The following PITPNC1 variants were observed in gnomAD, a reference collection of about 807,000 sequenced individuals.
The protein encoded by PITPNC1 is phosphatidylinositol transfer protein cytoplasmic 1.
A neutral mutation model predicts 44.7 loss-of-function variants in PITPNC1; 18 were observed. The ratio of observed to expected loss-of-function variants is 0.40; its 90% CI spans 0.28 to 0.60. The LOEUF (loss-of-function observed/expected upper bound fraction) is 0.60. Ranked by LOEUF, PITPNC1 falls within the 20% of genes least tolerant of loss-of-function variation. The probability of loss-of-function intolerance (pLI) is 0.39; values close to 1 mark genes in which losing one functional copy is unlikely to be tolerated. For missense variants in PITPNC1, 290 were observed against 418.4 expected (o/e 0.69, Z 2.68); for synonymous variants, 141 against 149.6 (o/e 0.94, Z 0.42).
At chr17:67,554,424 A>AT (rs1267619379) in intron 4 of PITPNC1, among the ~76,000 whole-genome samples, 1 of 151,766 alleles carries the variant, frequency 6.6e-6, no homozygotes, top group East Asian at 1.9e-4. Flanking sequence ...CGCCCGGCTA[A>AT]TTTTTTTATT....
chr17:67,590,206 G>A (rs1256280312), intron 5 of PITPNC1, among the ~76,000 whole-genome samples: 2 of 152,154 alleles, frequency 1.3e-5, no homozygotes, highest in Non-Finnish European at 2.9e-5. Flanking sequence ...CAGGGGGTTG[G>A]TGGGGTGGAA....
At chr17:67,587,812 G>A (rs942274564) in intron 5 of PITPNC1, among the ~76,000 whole-genome samples, 14 of 152,076 alleles carry the variant, frequency 9.2e-5, no homozygotes, top group Non-Finnish European at 1.6e-4. Flanking sequence ...TGCCTCCTTC[G>A]GGTAAATTGC....
rs2040140946 is a variant in PITPNC1, at chr17:67,508,846, C to T, written c.49-23956C>T. Among the ~76,000 whole-genome samples the T allele has an allele frequency of 6.6e-6, 1 of 152,088 alleles. No homozygotes were observed. Among genetic ancestry groups the T allele is most frequent in the Non-Finnish European group, 1.5e-5 (1 of 68,018 alleles). ...TGACGGAACGTTCTAGTGATGGCTG[C>T]ACAACATTGTGGTTGTACTTAATGC... On this transcript the variant is annotated intron_variant, in intron 1 of 8. Transcript: ENST00000581322. The surrounding 1 kb of genome is among the most constrained non-coding windows in gnomAD (Gnocchi z 4.2).
chr17:67,450,356 G>T (rs1369975453), intron 1 of PITPNC1, among the ~76,000 whole-genome samples: 1 of 145,574 alleles, frequency 6.9e-6, no homozygotes, highest in Non-Finnish European at 1.5e-5. Flanking sequence ...TCCTCCTGAA[G>T]GTGCACGGGA....
At chr17:67,565,924 T>C (rs995332228) in intron 4 of PITPNC1, among the ~76,000 whole-genome samples, 2 of 152,190 alleles carry the variant, frequency 1.3e-5, no homozygotes, top group Admixed American at 6.5e-5. Context: ...TCGTTTTCCA[T>C]GTTTTTCGAT....
chr17:67,382,851 C>G (rs959818657), intron 1 of PITPNC1, among the ~76,000 whole-genome samples: 1 of 151,734 alleles, frequency 6.6e-6, no homozygotes, highest in Non-Finnish European at 1.5e-5. Flanking sequence ...GTCTCGAACT[C>G]CTGACCTCAG....
intron 1 of PITPNC1, among the ~76,000 whole-genome samples, chr17:67,507,741 C>G (rs1248369495): frequency 6.7e-6 from 1 of 149,756 alleles, no homozygotes; most frequent in African/African-American, 2.5e-5. Context: ...GCTGGGAGAC[C>G]AGGGGCAGGA....
intron 5 of PITPNC1, among the ~76,000 whole-genome samples, chr17:67,580,548 C>T (rs2041216146): frequency 6.6e-6 from 1 of 152,100 alleles, no homozygotes; most frequent in African/African-American, 2.4e-5. Flanking sequence ...ACCATGTTGC[C>T]TAGGCTGGTC....
rs759328316 is a variant in PITPNC1, at chr17:67,692,745, G to A, written c.856G>A (p.Glu286Lys). ...PSTPLSTDAP[E>K]FLSVPKDRPR... ...CACCCCTCTCTCCACAGACGCACCCGAATTTCTGTCCGTTCCCAAAGATCG... is the reference window on the plus strand; with the variant it reads ...CACCCCTCTCTCCACAGACGCACCCAAATTTCTGTCCGTTCCCAAAGATCG... The change falls in exon 9 of 9, where the codon GAA becomes AAA. Residue 286 changes from glutamate (E) to lysine (K), a missense_variant. Glu to Lys is a moderately conservative substitution (Grantham distance 56, BLOSUM62 1). Transcript: ENST00000581322. 5.6e-6 allele frequency: 9 copies of A among 1,613,574 alleles called. No homozygotes were observed. The highest frequency in any genetic ancestry group is 4.0e-5 in the African/African-American group (3 of 74,808).
chr17:67,498,480 C>T (rs2039984957), intron 1 of PITPNC1, among the ~76,000 whole-genome samples: 2 of 152,134 alleles, frequency 1.3e-5, no homozygotes, highest in Non-Finnish European at 2.9e-5. Flanking sequence ...ACCCTTGGCT[C>T]TTGTGAATAA....
chr17:67,545,009 C>T (rs998149320), intron 2 of PITPNC1, among the ~76,000 whole-genome samples: 1 of 152,104 alleles, frequency 6.6e-6, no homozygotes, highest in African/African-American at 2.4e-5. Context: ...AATATTTAGT[C>T]ATTAAAAAAA....
chr17:67,453,976 G>A (rs1467850305), intron 1 of PITPNC1, among the ~76,000 whole-genome samples: 1 of 152,118 alleles, frequency 6.6e-6, no homozygotes, highest in Non-Finnish European at 1.5e-5. Context: ...CGGGCTGGGC[G>A]TGGTGGCTCA....
At chr17:67,441,938 G>T (rs970197047) in intron 1 of PITPNC1, among the ~76,000 whole-genome samples, 4 of 151,908 alleles carry the variant, frequency 2.6e-5, no homozygotes, top group African/African-American at 7.3e-5. Flanking sequence ...AGAAGAATAG[G>T]AGAATGGGAT....
At chr17:67,504,108 G>A (rs1213434521) in intron 1 of PITPNC1, among the ~76,000 whole-genome samples, 1 of 152,096 alleles carries the variant, frequency 6.6e-6, no homozygotes, top group African/African-American at 2.4e-5. Context: ...AGGTCAGAGA[G>A]ACCCTGAGGC....
chr17:67,494,185 T>TTCTCTTTCTTTCTTTCTTTCTTTCTTTC, intron 1 of PITPNC1, among the ~76,000 whole-genome samples: 75 of 102,496 alleles, frequency 7.3e-4, no homozygotes, highest in South Asian at 1.3e-3. Flanking sequence ...CTTTCTTTCT[T>TTCTCTTTCTTTCTTTCTTTCTTTCTTTC]TTTCTTTCTT....
At chr17:67,439,171 C>A (rs369087092) in intron 1 of PITPNC1, among the ~76,000 whole-genome samples, 44 of 152,228 alleles carry the variant, frequency 2.9e-4, no homozygotes, top group African/African-American at 1.0e-3. Context: ...CATATATTAC[C>A]TGGATGATGT....
intron 1 of PITPNC1, among the ~76,000 whole-genome samples, chr17:67,399,973 T>C (rs1311617997): frequency 2.0e-5 from 3 of 152,200 alleles, no homozygotes; most frequent in Non-Finnish European, 2.9e-5. Flanking sequence ...TCAAATGCCC[T>C]CTTTTGGCCT....
Position 67,490,914 on chromosome 17 carries a change from C to G in PITPNC1, c.49-41888C>G, listed in dbSNP as rs538952157. Among the ~76,000 whole-genome samples the G allele has an allele frequency of 3.3e-5, 5 of 152,328 alleles. No individual in the cohort carries two copies. The South Asian group carries it at 1.0e-3, about 32-fold the overall frequency. On this transcript the variant is annotated intron_variant, in intron 1 of 8. Transcript: ENST00000581322. ...TCTTTCAAACTTTATACTTACTTCT[C>G]TCCTCCTCTGATTCTATTCAAGGAA...
chr17:67,534,095 A>G (rs994695275), intron 2 of PITPNC1, among the ~76,000 whole-genome samples: 1 of 151,790 alleles, frequency 6.6e-6, no homozygotes, highest in South Asian at 2.1e-4. Flanking sequence ...GGATTCCACC[A>G]TGTTGGCCAG....
Sources: allele counts gnomAD v4.1 joint callset (sites outside exome capture counted in the v4.1 genomes callset), GRCh38; gene constraint gnomAD v4.1.1; non-coding constraint Gnocchi (gnomAD v3.1); transcripts MANE v1.5; gene names NCBI Gene and HGNC (gene_info 2026-07-23, HGNC 2026-07-21).